PSIP1: variants seen among roughly 807,000 people sequenced by gnomAD.
PSIP1 encodes PC4 and SRSF1 interacting protein 1, also known as PC4 and SFRS1-interacting protein.
PSIP1 carries 19 observed loss-of-function variants against 74.7 expected under a neutral mutation model. The ratio of observed to expected loss-of-function variants is 0.25; its 90% CI spans 0.18 to 0.37. PSIP1 has a LOEUF of 0.37. Ranked by LOEUF, PSIP1 falls within the 10% of genes least tolerant of loss-of-function variation. PSIP1 has a pLI of 1.00. For missense variants in PSIP1, 601 were observed against 614.3 expected (o/e 0.98, Z 0.23); for synonymous variants, 222 against 195.3 (o/e 1.14, Z -1.14).
chr9:15,493,050 T>G (rs979026405), intron 3 of PSIP1, among the ~76,000 whole-genome samples: 1 of 152,208 alleles, frequency 6.6e-6, no homozygotes, highest in African/African-American at 2.4e-5. Flanking sequence ...CCCCATTGTC[T>G]TGGTGATTAG....
At chr9:15,509,983 T>C in intron 2 of PSIP1, 134 bp downstream of exon 2, 1 of 851,364 alleles carries the variant, frequency 1.2e-6, no homozygotes, top group African/African-American at 1.8e-5. Context: ...AAAACTAAAA[T>C]GAAAGGTCAG....
At chr9:15,469,390 T>C in intron 11 of PSIP1, 54 bp from the exon 12 acceptor site, 2 of 1,123,242 alleles carry the variant, frequency 1.8e-6, no homozygotes, top group South Asian at 2.9e-5. Flanking sequence ...AACCAGTATT[T>C]CTATATACAG....
intron 6 of PSIP1, among the ~76,000 whole-genome samples, chr9:15,483,161 C>T (rs763278236): frequency 3.5e-4 from 53 of 152,292 alleles, no homozygotes; most frequent in Middle Eastern, 3.4e-3. Flanking sequence ...ATGCCAGAGA[C>T]TGCATCTGTA....
intron 3 of PSIP1, among the ~76,000 whole-genome samples, chr9:15,491,733 G>A (rs776075715): frequency 2.0e-5 from 3 of 152,204 alleles, no homozygotes; most frequent in Non-Finnish European, 4.4e-5. Flanking sequence ...ACGCTGCTAT[G>A]AAGAAATACC....
At position 15,465,595 on chromosome 9, in the gene PSIP1, G is replaced by GA; in HGVS notation, c.1533-16dup. 6.4e-7 allele frequency: 1 copy of GA among 1,555,942 alleles called. No homozygotes were observed. Among genetic ancestry groups the GA allele is most frequent in the Non-Finnish European group, 8.8e-7 (1 of 1,135,116 alleles). ...CACTGGATGGCCTGAAGAAAAGGGG[G>GA]AAAGGTACAACTGGAATTAGGATTT... is the stretch of plus-strand genomic sequence containing the variant. On this transcript the variant is annotated splice_polypyrimidine_tract_variant and intron_variant, in intron 15 of 15. Transcript: ENST00000380733.
intron 3 of PSIP1, among the ~76,000 whole-genome samples, chr9:15,493,663 T>C (rs1223449190): frequency 1.3e-5 from 2 of 152,150 alleles, no homozygotes; most frequent in Non-Finnish European, 2.9e-5. Flanking sequence ...CTCAGGAAAC[T>C]TACAATCACG....
chr9:15,496,021 T>C (rs1563892056), intron 3 of PSIP1, among the ~76,000 whole-genome samples: 1 of 152,318 alleles, frequency 6.6e-6, no homozygotes, highest in East Asian at 1.9e-4. Flanking sequence ...CATGGGGACA[T>C]CATTAGGAGA....
intron 10 of PSIP1, 136 bp from the exon 11 acceptor site, chr9:15,470,129 C>CT (rs2035764078): frequency 1.5e-6 from 1 of 668,024 alleles, no homozygotes; most frequent in Non-Finnish European, 2.6e-6. Context: ...GACTGTAGCT[C>CT]TTAGAATGGT....
chr9:15,468,482 T>C (rs4741507), intron 14 of PSIP1, 148 bp downstream of exon 14: 671,225 of 879,004 alleles, frequency 0.76, 262,568 homozygotes, highest in Admixed American at 0.84. Context: ...AGTCCTTCAA[T>C]AGGCCCATCA....
At chr9:15,498,771 T>C (rs2037200132) in intron 3 of PSIP1, among the ~76,000 whole-genome samples, 1 of 152,076 alleles carries the variant, frequency 6.6e-6, no homozygotes, top group Admixed American at 6.5e-5. Flanking sequence ...ATGTTAACAG[T>C]AGGTCTGACT....
chr9:15,478,664 TTACAGA>T, intron 7 of PSIP1, 112 bp from the exon 8 acceptor site: 1 of 701,904 alleles, frequency 1.4e-6, no homozygotes, highest in Non-Finnish European at 2.4e-6. Flanking sequence ...TAGTAGCTTA[TTACAGA>T]TACAATTATT....
Position 15,466,841 on chromosome 9 carries a change from C to A in PSIP1, c.1439G>T (p.Gly480Val), listed in dbSNP as rs1208687395. The A allele has an allele frequency of 1.9e-6, 3 of 1,612,530 alleles. No homozygotes were observed. ...ATTACCATCTTGAGCATCAGATCCT[C>A]CATTTAGAGTCTTTGACCCTTGCGA... ...KEQTGSKTLNGGSDAQDGNQP... is the reference protein window; with the variant it reads ...KEQTGSKTLNVGSDAQDGNQP... The change falls in exon 15 of 16, where the codon GGA becomes GTA. Residue 480 changes from glycine to valine, a missense_variant. Around this residue, in one of 2 missense-constraint regions of PSIP1, gnomAD observed 538 missense variants for 507.6 expected, o/e 1.06. Transcript: ENST00000380733.
chr9:15,478,429 G>A, intron 8 of PSIP1, 48 bp downstream of exon 8: 1 of 1,355,408 alleles, frequency 7.4e-7, no homozygotes. Flanking sequence ...CTTGTTTAAA[G>A]TCAAATGTCT....
rs564073790 is a variant in PSIP1 at position 15,484,767 on chromosome 9, G to A, written c.456+1239C>T. ...ACAAAACAAAAAAATACAAAAATTA[G>A]CTGGGCATGGTGGTGCATGCCTGTA... is the stretch of plus-strand genomic sequence containing the variant. On this transcript the variant is annotated intron_variant, in intron 6 of 15. Coordinates refer to ENST00000380733, the MANE Select transcript of PSIP1 (RefSeq NM_033222.5). Among the ~76,000 whole-genome samples the A allele has an allele frequency of 8.6e-5, 13 of 151,874 alleles. No homozygotes were observed. In the South Asian group the frequency reaches 2.7e-3, roughly 32 times the overall value.
At chr9:15,499,314 T>G (rs1327213528) in intron 3 of PSIP1, among the ~76,000 whole-genome samples, 1 of 152,222 alleles carries the variant, frequency 6.6e-6, no homozygotes, top group African/African-American at 2.4e-5. Context: ...TCAAGACTGA[T>G]GTAAAACATT....
chr9:15,506,771 A>T (rs775332852), intron 2 of PSIP1, 134 bp from the exon 3 acceptor site: 1 of 597,530 alleles, frequency 1.7e-6, no homozygotes, highest in Admixed American at 3.4e-5. Context: ...ATAATCTCCT[A>T]TCCCCAAATC....
At chr9:15,505,128 A>T (rs1428628509) in intron 3 of PSIP1, 3 of 152,048 alleles carry the variant, frequency 2.0e-5, no homozygotes, top group Admixed American at 1.3e-4. Context: ...TTGTAGAGAC[A>T]CAGTTTCACC....
chr9:15,510,073 G>A (rs1226655658), intron 2 of PSIP1, 44 bp downstream of exon 2: 2 of 1,553,674 alleles, frequency 1.3e-6, no homozygotes, highest in Non-Finnish European at 1.8e-6. Flanking sequence ...GGCCTCTGGA[G>A]AGGAGGGTAG....
rs750538558 is a variant in PSIP1, at chr9:15,469,051, T to C, written c.1112A>G (p.Asn371Ser). Residue 371 changes from asparagine to serine, a missense_variant, in exon 13 of 16, where the codon AAC (asparagine) becomes AGC (serine). Physicochemically the swap from Asn to Ser is conservative, Grantham distance 46. Coordinates refer to ENST00000380733, the MANE Select transcript of PSIP1 (RefSeq NM_033222.5). The stretch of plus-strand genomic sequence containing the variant: ...TTCATCCAAGGCCTCAATGCATCTG[T>C]TCACATCCTTCATGACAAAACAGTA... ...NSLKIDNLDV[N>S]RCIEALDELA... 1.2e-6 allele frequency: 2 copies of C among 1,612,876 alleles called. No individual in the cohort carries two copies. Among genetic ancestry groups the C allele is most frequent in the Non-Finnish European group, 1.7e-6 (2 of 1,179,370 alleles).
Sources: gnomAD v4.1 joint callset for allele counts (sites outside exome capture counted in the v4.1 genomes callset) on GRCh38, gnomAD v4.1.1 for gene constraint, gnomAD v4.1.1 regional missense constraint, MANE v1.5 for transcripts, NCBI Gene and HGNC (gene_info 2026-07-23, HGNC 2026-07-21) for gene names.